FGF14: variants seen among roughly 807,000 people sequenced by gnomAD.
FGF14 encodes the protein fibroblast growth factor 14.
Under a neutral mutation model 25.5 loss-of-function variants are expected in FGF14, and 5 were observed. The ratio of observed to expected loss-of-function variants is 0.20; its 90% CI spans 0.10 to 0.41. The LOEUF (loss-of-function observed/expected upper bound fraction) is 0.41, where lower values mean the gene tolerates loss of function less well. FGF14 is among the 10% of genes least tolerant of loss of function. The pLI, the probability that FGF14 is intolerant of heterozygous loss-of-function variation, is 1.00. For missense variants in FGF14, 222 were observed against 320.1 expected (o/e 0.69, Z 2.34); for synonymous variants, 138 against 118.3 (o/e 1.17, Z -1.08).
chr13:102,314,858 A>G (rs902482494), intron 1 of FGF14, among the ~76,000 whole-genome samples: 8 of 151,748 alleles, frequency 5.3e-5, no homozygotes, highest in African/African-American at 1.7e-4. Context: ...GGGAGTAAAT[A>G]TAATGTTTTA....
At chr13:102,329,484 A>G (rs1233126249) in intron 1 of FGF14, among the ~76,000 whole-genome samples, 1 of 151,928 alleles carries the variant, frequency 6.6e-6, no homozygotes, top group African/African-American at 2.4e-5. Flanking sequence ...CCCATCAACC[A>G]CTTGCTCTGT....
At position 101,713,881 on chromosome 13, in the gene FGF14, C is replaced by T. The variant is rs922336924; in HGVS notation, c.*8950G>A. 1 of 152,214 alleles carries T rather than the reference C, an allele frequency of 6.6e-6. No homozygotes were observed. Among genetic ancestry groups the T allele is most frequent in the African/African-American group, 2.4e-5 (1 of 41,412 alleles). 9.4% of individuals were successfully genotyped at this position (152,214 alleles called of 1,614,324 possible). A position where few individuals can be genotyped will look rare whatever the true frequency, so the allele number is the denominator to read the frequency against. ...GACAGAGGGTCCTGAGGATGAGTCT[C>T]ACAAGGCAAATATACTGAGTGACTG... On this transcript the variant is annotated 3_prime_UTR_variant, in exon 5 of 5. Transcript: ENST00000376143.
At chr13:101,910,666 C>A (rs28535384) in intron 1 of FGF14, among the ~76,000 whole-genome samples, 1 of 152,092 alleles carries the variant, frequency 6.6e-6, no homozygotes, top group Non-Finnish European at 1.5e-5. Context: ...GGTATACTGT[C>A]ACCCCAGTAA....
intron 3 of FGF14, among the ~76,000 whole-genome samples, chr13:101,831,484 G>A (rs1362315633): frequency 1.3e-5 from 2 of 151,980 alleles, no homozygotes; most frequent in Non-Finnish European, 2.9e-5. Context: ...GGAAAACCCA[G>A]GCACTAGCAG....
At chr13:102,022,678 A>C (rs908965833) in intron 1 of FGF14, among the ~76,000 whole-genome samples, 2 of 152,156 alleles carry the variant, frequency 1.3e-5, no homozygotes, top group Admixed American at 6.6e-5. Context: ...AAGATGTTTA[A>C]AATTGCACAA....
rs1472979809 is a variant in FGF14, at chr13:101,868,836, G to T, written c.305-8C>A. ...GTATGAGGTTGAAGAGTGCTGTGAA[G>T]ATAAACATTGTCTATCATGAATGGG... On this transcript the variant is annotated splice_polypyrimidine_tract_variant and splice_region_variant and intron_variant, in intron 2 of 4. Transcript: ENST00000376143. The T allele has an allele frequency of 6.3e-7, 1 of 1,582,672 alleles. No homozygotes were observed. Among genetic ancestry groups the T allele is most frequent in the Non-Finnish European group, 8.7e-7 (1 of 1,151,524 alleles).
chr13:101,762,048 G>A (rs1186115607), intron 3 of FGF14, among the ~76,000 whole-genome samples: 1 of 152,178 alleles, frequency 6.6e-6, no homozygotes, highest in Non-Finnish European at 1.5e-5. Context: ...TAGCAACCAT[G>A]TGAGGTACTG....
At chr13:102,099,823 G>A (rs1334704499) in intron 1 of FGF14, among the ~76,000 whole-genome samples, 1 of 151,896 alleles carries the variant, frequency 6.6e-6, no homozygotes, top group South Asian at 2.1e-4. Flanking sequence ...AAATAATAAT[G>A]ACTATGATAT....
intron 1 of FGF14, among the ~76,000 whole-genome samples, chr13:102,333,525 T>C (rs1239496729): frequency 6.6e-6 from 1 of 152,166 alleles, no homozygotes; most frequent in African/African-American, 2.4e-5. Flanking sequence ...CCATGGATGT[T>C]ACGCAAGAAG....
At chr13:102,316,523 C>T (rs1210293342) in intron 1 of FGF14, among the ~76,000 whole-genome samples, 1 of 152,252 alleles carries the variant, frequency 6.6e-6, no homozygotes, top group Middle Eastern at 3.4e-3. Context: ...ACACATCATG[C>T]AAGTTGACTA....
intron 3 of FGF14, among the ~76,000 whole-genome samples, chr13:101,754,915 A>C (rs2037542923): frequency 1.3e-5 from 2 of 152,214 alleles, no homozygotes; most frequent in Admixed American, 6.5e-5. Context: ...ACTAGGGTTA[A>C]AATGCTAAGT....
At position 101,720,823 on chromosome 13, in the gene FGF14, T is replaced by A. The variant is rs1219339914; in HGVS notation, c.*2008A>T. On this transcript the variant is annotated 3_prime_UTR_variant, in exon 5 of 5. Transcript: ENST00000376143. ...TCATTTTGTTTGTTAGATTTGTAAT[T>A]TAGCATCATTGGCAATAAATCTACT... 6.6e-6 allele frequency: 1 copy of A among 152,152 alleles called. No individual in the cohort carries two copies. The highest frequency in any genetic ancestry group is 1.5e-5 in the Non-Finnish European group (1 of 68,016). The allele number at this position is 152,152 out of a possible 1,614,324, so 9.4% of individuals were successfully genotyped here.
intron 1 of FGF14, among the ~76,000 whole-genome samples, chr13:102,021,232 A>T (rs552622132): frequency 1.3e-5 from 2 of 152,232 alleles, no homozygotes; most frequent in South Asian, 4.1e-4. Context: ...AAGGAAGAGC[A>T]TAAGATGGAT....
At chr13:102,053,043 A>G (rs1017985100) in intron 1 of FGF14, among the ~76,000 whole-genome samples, 1 of 152,110 alleles carries the variant, frequency 6.6e-6, no homozygotes, top group Admixed American at 6.6e-5. Context: ...ACCACAAAGC[A>G]AAAACCAATA....
chr13:102,324,285 A>G (rs928092644), intron 1 of FGF14, among the ~76,000 whole-genome samples: 1 of 152,090 alleles, frequency 6.6e-6, no homozygotes, highest in Admixed American at 6.6e-5. Flanking sequence ...TGTTGTGATG[A>G]AGAGCTTGGG....
At chr13:101,974,445 A>C (rs938728382) in intron 1 of FGF14, among the ~76,000 whole-genome samples, 1 of 152,210 alleles carries the variant, frequency 6.6e-6, no homozygotes, top group African/African-American at 2.4e-5. Context: ...TAAACTAGCT[A>C]TATGCCTAGT....
intron 1 of FGF14, among the ~76,000 whole-genome samples, chr13:102,207,188 G>C (rs1417621282): frequency 6.6e-6 from 1 of 151,820 alleles, no homozygotes; most frequent in Non-Finnish European, 1.5e-5. Flanking sequence ...GCTCAGGCAG[G>C]AAAATCGCTT....
chr13:101,901,806 G>C (rs2031591150), intron 1 of FGF14, among the ~76,000 whole-genome samples: 1 of 152,104 alleles, frequency 6.6e-6, no homozygotes, highest in Admixed American at 6.6e-5. Context: ...TACTACCATA[G>C]ATTATATGAC....
chr13:101,921,096 G>T (rs776367026), upstream of FGF14, among the ~76,000 whole-genome samples: 2 of 151,972 alleles, frequency 1.3e-5, no homozygotes, highest in Non-Finnish European at 2.9e-5. Context: ...CAGCTAAAGA[G>T]TAAGGCATGA....
Sources: allele counts gnomAD v4.1 joint callset (sites outside exome capture counted in the v4.1 genomes callset), GRCh38; gene constraint gnomAD v4.1.1; transcripts MANE v1.5; gene names NCBI Gene and HGNC (gene_info 2026-07-23, HGNC 2026-07-21).